CCDC102B: variants seen among roughly 807,000 people sequenced by gnomAD.
CCDC102B encodes coiled-coil domain containing 102B.
A neutral mutation model predicts 57.4 loss-of-function variants in CCDC102B; 75 were observed. The observed-to-expected ratio is 1.31, with a 90% CI of 1.08 to 1.58. CCDC102B has a LOEUF of 1.58. Among genes scored for constraint, CCDC102B ranks in the 40% most tolerant of loss-of-function variants. The pLI is 0.00. For synonymous variants in CCDC102B, 206 were observed against 201.9 expected (o/e 1.02, Z -0.17); for missense variants, 636 against 582.6 (o/e 1.09, Z -0.94).
chr18:69,053,894 G>GT (rs2052768523), intron 7 of CCDC102B, 136 bp from the exon 8 acceptor site: 1 of 636,762 alleles, frequency 1.6e-6, no homozygotes, highest in Non-Finnish European at 2.6e-6. Flanking sequence ...AATACTTATA[G>GT]TTTTGTGGTG....
At chr18:68,972,652 A>C (rs2050332529) in intron 6 of CCDC102B, among the ~76,000 whole-genome samples, 1 of 152,180 alleles carries the variant, frequency 6.6e-6, no homozygotes. Flanking sequence ...TAGTTTTAGG[A>C]ATCTGCACAG....
chr18:68,989,991 C>T (rs1490336966), intron 6 of CCDC102B, among the ~76,000 whole-genome samples: 1 of 152,178 alleles, frequency 6.6e-6, no homozygotes, highest in Non-Finnish European at 1.5e-5. Flanking sequence ...TTTAATGATG[C>T]ATGTCCAGCT....
At chr18:68,980,403 A>G (rs2050548626) in intron 6 of CCDC102B, among the ~76,000 whole-genome samples, 1 of 152,008 alleles carries the variant, frequency 6.6e-6, no homozygotes, top group Admixed American at 6.6e-5. Context: ...GTGAAAAAAA[A>G]AAAAAAATTC....
At chr18:68,809,698 T>G (rs1299939905) in intron 1 of CCDC102B, among the ~76,000 whole-genome samples, 1 of 152,180 alleles carries the variant, frequency 6.6e-6, no homozygotes, top group African/African-American at 2.4e-5. Flanking sequence ...CACTGGTACA[T>G]CTTCAATGCC....
chr18:68,795,212 T>C (rs1236641181), upstream of CCDC102B, among the ~76,000 whole-genome samples: 1 of 152,074 alleles, frequency 6.6e-6, no homozygotes, highest in Non-Finnish European at 1.5e-5. Context: ...TGGGGCTAGA[T>C]TGAGATTACA....
intron 2 of CCDC102B, among the ~76,000 whole-genome samples, chr18:68,773,468 T>C (rs1417085424): frequency 1.3e-5 from 2 of 152,080 alleles, no homozygotes; most frequent in East Asian, 3.8e-4. Context: ...TTTTATTTAC[T>C]GTACGTACTG....
chr18:68,794,823 G>A (rs1434216310), upstream of CCDC102B, among the ~76,000 whole-genome samples: 1 of 151,976 alleles, frequency 6.6e-6, no homozygotes, highest in Non-Finnish European at 1.5e-5. Flanking sequence ...TATTCTGAGA[G>A]GTCCCATGCT....
intron 4 of CCDC102B, among the ~76,000 whole-genome samples, chr18:68,873,322 C>A (rs1053710000): frequency 1.3e-5 from 2 of 152,078 alleles, no homozygotes; most frequent in African/African-American, 4.8e-5. Flanking sequence ...AGGCTTCTAC[C>A]ATTATTGTAG....
At chr18:68,727,928 A>G (rs1002063528) in intron 2 of CCDC102B, among the ~76,000 whole-genome samples, 1 of 152,366 alleles carries the variant, frequency 6.6e-6, no homozygotes, top group African/African-American at 2.4e-5. Flanking sequence ...TGGACTGTAG[A>G]TAATTGGACA....
chr18:69,041,828 A>G (rs986484254), intron 7 of CCDC102B, among the ~76,000 whole-genome samples: 1 of 151,892 alleles, frequency 6.6e-6, no homozygotes, highest in African/African-American at 2.4e-5. Flanking sequence ...TTGCTTCACT[A>G]GTTCTTCTAG....
chr18:68,734,644 AT>A (rs2033045349), intron 2 of CCDC102B: 1 of 152,128 alleles, frequency 6.6e-6, no homozygotes, highest in Non-Finnish European at 1.5e-5. Context: ...TATTTTTTTC[AT>A]ATTTTTATAA....
At chr18:68,943,185 C>T (rs1328757604) in intron 6 of CCDC102B, among the ~76,000 whole-genome samples, 2 of 151,870 alleles carry the variant, frequency 1.3e-5, no homozygotes, top group Admixed American at 6.6e-5. Flanking sequence ...CTTATGTCTA[C>T]TTCTTTCTAC....
At chr18:68,756,088 T>A (rs1298197369) in intron 2 of CCDC102B, among the ~76,000 whole-genome samples, 1 of 151,654 alleles carries the variant, frequency 6.6e-6, no homozygotes, top group Non-Finnish European at 1.5e-5. Flanking sequence ...AACATTTTTT[T>A]AAATCAAGCA....
chr18:68,906,068 C>T (rs918164514), intron 6 of CCDC102B, among the ~76,000 whole-genome samples: 2 of 152,158 alleles, frequency 1.3e-5, no homozygotes, highest in African/African-American at 2.4e-5. Flanking sequence ...GCTGGGATTA[C>T]AGGCCTGAGC....
upstream of CCDC102B, among the ~76,000 whole-genome samples, chr18:68,794,300 GAGAA>G (rs775172097): frequency 6.6e-6 from 1 of 152,022 alleles, no homozygotes; most frequent in African/African-American, 2.4e-5. Flanking sequence ...AATGAAAAAA[GAGAA>G]AGAAGTCAAC....
At chr18:68,935,305 G>C (rs1299635262) in intron 6 of CCDC102B, among the ~76,000 whole-genome samples, 2 of 151,976 alleles carry the variant, frequency 1.3e-5, no homozygotes, top group African/African-American at 4.8e-5. Flanking sequence ...AGGTTGAGAA[G>C]ATGTGCTGAT....
rs533708912 is a variant in CCDC102B at position 68,950,713 on chromosome 18, A to G, written c.1263+53285A>G. Among the ~76,000 whole-genome samples, 4 of 152,216 alleles carry G rather than the reference A, an allele frequency of 2.6e-5. No individual in the cohort carries two copies. The East Asian group carries it at 7.7e-4, about 29-fold the overall frequency. On this transcript the variant is annotated intron_variant, in intron 6 of 7. Transcript: ENST00000360242. Reference sequence around the variant, plus strand: ...TCTTTAAATGTGGCAAAAGTGAGGGAAGAAGTAACTCCCAACTTTCAGCCT... The same window carrying G: ...TCTTTAAATGTGGCAAAAGTGAGGGGAGAAGTAACTCCCAACTTTCAGCCT...
chr18:68,853,068 T>C (rs1388188237), intron 4 of CCDC102B, among the ~76,000 whole-genome samples: 1 of 152,200 alleles, frequency 6.6e-6, no homozygotes, highest in Non-Finnish European at 1.5e-5. Flanking sequence ...ATATTCTTAC[T>C]TCCTTCTCTG....
intron 3 of CCDC102B, among the ~76,000 whole-genome samples, chr18:68,844,772 C>T (rs1004230691): frequency 6.6e-6 from 1 of 151,766 alleles, no homozygotes; most frequent in African/African-American, 2.4e-5. Flanking sequence ...TCATCTCAAA[C>T]GCAAGTAGTA....
Sources: allele counts gnomAD v4.1 joint callset (sites outside exome capture counted in the v4.1 genomes callset), GRCh38; gene constraint gnomAD v4.1.1; transcripts MANE v1.5; gene names NCBI Gene and HGNC (gene_info 2026-07-23, HGNC 2026-07-21).